Variants in SLC25A6 observed in about 807,000 individuals in gnomAD.
SLC25A6 encodes ADP/ATP translocase 3.
A neutral mutation model predicts 25.7 loss-of-function variants in SLC25A6; 9 were observed. The ratio of observed to expected loss-of-function variants is 0.35; its 90% CI spans 0.21 to 0.61. SLC25A6 has a LOEUF of 0.61. SLC25A6 is among the 20% of genes least tolerant of loss of function. The probability of loss-of-function intolerance (pLI) is 0.76; values close to 1 mark genes in which losing one functional copy is unlikely to be tolerated. For missense variants in SLC25A6, 404 were observed against 440.5 expected, an observed-to-expected ratio of 0.92 and a Z score of 0.74; for synonymous variants, 223 against 197.0, an observed-to-expected ratio of 1.13 and a Z score of -1.11.
At chrX:1,389,883 G>A (rs1246007285) in intron 1 of SLC25A6, among the ~76,000 whole-genome samples, 156 bp from the exon 2 acceptor site, 1 of 151,980 alleles carries the variant, frequency 6.6e-6, no homozygotes, top group Admixed American at 6.6e-5. Flanking sequence ...TCAGCCTCCC[G>A]AGTAGCTGGG....
chrX:1,391,562 T>C (rs1285646399), intron 1 of SLC25A6, among the ~76,000 whole-genome samples: 2 of 152,294 alleles, frequency 1.3e-5, no homozygotes, highest in African/African-American at 2.4e-5. Context: ...ACCGGAAGGG[T>C]TGGTCCCAGC....
intron 2 of SLC25A6, 56 bp downstream of exon 2, chrX:1,389,185 G>C: frequency 4.5e-6 from 7 of 1,569,724 alleles, no homozygotes; most frequent in Non-Finnish European, 6.1e-6. Flanking sequence ...GGACCCTGGG[G>C]GAACGTCTGT....
At position 1,389,676 on chromosome X, in the gene SLC25A6, C is replaced by T. The variant is rs147287418; in HGVS notation, c.163G>A (p.Val55Met). The change falls in exon 2 of 4, where the codon GTG becomes ATG. Residue 55 changes from valine (V) to methionine (M), a missense_variant. By Grantham distance (21) the Val-to-Met change is conservative. Coordinates refer to ENST00000381401, the MANE Select transcript of SLC25A6 (RefSeq NM_001636.4). Reference sequence around the variant, plus strand: ...TTGGGGATGCGGACAATGCAGTCCACGATGCCCTTGTACTGCTTGTCGGCG... The same window carrying T: ...TTGGGGATGCGGACAATGCAGTCCATGATGCCCTTGTACTGCTTGTCGGCG... ...IAADKQYKGI[V>M]DCIVRIPKEQ... 126 of 1,613,928 alleles carry T rather than the reference C, an allele frequency of 7.8e-5. 1 individual carries two copies. The highest frequency in any genetic ancestry group is 1.5e-4 in the Admixed American group (9 of 60,008).
intron 1 of SLC25A6, among the ~76,000 whole-genome samples, chrX:1,391,314 G>A (rs1270218340): frequency 2.0e-5 from 3 of 152,150 alleles, no homozygotes; most frequent in African/African-American, 7.2e-5. Context: ...ACGTTAGCAA[G>A]GACGTCCTGG....
In SLC25A6 at chrX:1,389,465, G is replaced by A. The variant is rs764299940; in HGVS notation, c.374C>T (p.Ala125Val). ...CGGGTACACGAAGCAGAGGGAGGTC[G>A]CGCCGGCCGCACCGCCGGAGGCCAG... is the stretch of plus-strand genomic sequence containing the variant. ...GNLASGGAAG[A>V]TSLCFVYPLD... is the part of the protein sequence containing the mutation. Residue 125 changes from alanine to valine, a missense_variant, in exon 2 of 4, where the codon GCG becomes GTG. By Grantham distance (64) the Ala-to-Val change is moderately conservative. Coordinates refer to ENST00000381401, the MANE Select transcript of SLC25A6 (RefSeq NM_001636.4). 3.1e-6 allele frequency: 5 copies of A among 1,613,946 alleles called. No individual in the cohort carries two copies. Among genetic ancestry groups the A allele is most frequent in the Non-Finnish European group, 2.5e-6 (3 of 1,179,944 alleles).
At chrX:1,391,834 C>T (rs2089417644) in intron 1 of SLC25A6, 65 bp downstream of exon 1, 2 of 1,325,536 alleles carry the variant, frequency 1.5e-6, no homozygotes, top group Non-Finnish European at 2.1e-6. Flanking sequence ...GCCCACGTCC[C>T]CGCCCGACCC....
chrX:1,388,447 C>T (rs1389335150), intron 2 of SLC25A6, among the ~76,000 whole-genome samples: 1 of 151,840 alleles, frequency 6.6e-6, no homozygotes, highest in East Asian at 1.9e-4. Context: ...TCAGGAGGAA[C>T]CAGCCCTGCC....
chrX:1,389,497 C>G lies in SLC25A6; in HGVS notation c.342G>C (p.Ala114=), dbSNP rs747969741. 1 of 1,613,994 alleles carries G rather than the reference C, an allele frequency of 6.2e-7. No individual in the cohort carries two copies. Among genetic ancestry groups the G allele is most frequent in the African/African-American group, 1.3e-5 (1 of 74,924 alleles). ...DKHTQFWRYF[A]GNLASGGAAG... ...CCGCACCGCCGGAGGCCAGGTTGCC[C>G]GCAAAGTACCTCCAGAACTGCGTGT... The change falls in exon 2 of 4, where the codon GCG becomes GCC. Residue 114 remains alanine, a synonymous_variant. Transcript: ENST00000381401.
chrX:1,389,157 TCA>T lies in SLC25A6; in HGVS notation c.598+82_598+83del. On this transcript the variant is annotated intron_variant, in intron 2 of 3. Coordinates refer to ENST00000381401, the MANE Select transcript of SLC25A6 (RefSeq NM_001636.4). ...GAACCAGCCCTGCCCACACCTTATC[TCA>T]GACCTTCAGCCCACAGGACCCTGGG... is the stretch of plus-strand genomic sequence containing the variant. 2.7e-6 allele frequency: 4 copies of T among 1,485,586 alleles called. No individual in the cohort carries two copies. The South Asian group carries it at 5.0e-5, about 19-fold the overall frequency. 92.0% of individuals were successfully genotyped at this position (1,485,586 alleles called of 1,614,324 possible).
Position 1,386,638 on chromosome X carries a change from C to A in SLC25A6, c.861G>T (p.Val287=). The A allele has an allele frequency of 6.3e-7, 1 of 1,598,100 alleles. No homozygotes were observed. Among genetic ancestry groups the A allele is most frequent in the South Asian group, 1.1e-5 (1 of 88,290 alleles). ...NVLRGMGGAF[V]LVLYDELKKV... The stretch of plus-strand genomic sequence containing the variant: ...TCTTGAGCTCGTCGTACAGGACCAG[C>A]ACGAAGGCGCCCCCCATGCCCCGCA... The change falls in exon 4 of 4, where the codon GTG becomes GTT. Residue 287 remains valine, a synonymous_variant. Coordinates refer to ENST00000381401, the MANE Select transcript of SLC25A6 (RefSeq NM_001636.4).
chrX:1,386,568 G>C lies in SLC25A6; in HGVS notation c.*34C>G, dbSNP rs1391053073. 2 of 1,359,340 alleles carry C rather than the reference G, an allele frequency of 1.5e-6. No homozygotes were observed. The highest frequency in any genetic ancestry group is 2.5e-5 in the Admixed American group (1 of 39,696). The allele number at this position is 1,359,340 out of a possible 1,614,324, so 84.2% of individuals were successfully genotyped here. On this transcript the variant is annotated 3_prime_UTR_variant, in exon 4 of 4. Coordinates refer to ENST00000381401, the MANE Select transcript of SLC25A6 (RefSeq NM_001636.4). ...TCTACGTGGTTCTCTTGGTTCCCCT[G>C]GTGTGTGTGTGTGTGTGGAGGAGGC...
chrX:1,391,596 C>G (rs1460966196), intron 1 of SLC25A6, among the ~76,000 whole-genome samples: 2 of 152,202 alleles, frequency 1.3e-5, no homozygotes, highest in Non-Finnish European at 2.9e-5. Flanking sequence ...GGATTGAGCT[C>G]AAGGTCAAGG....
Position 1,386,584 on chromosome X carries a change from TGGA to T in SLC25A6, c.*15_*17del, listed in dbSNP as rs752281428. On this transcript the variant is annotated 3_prime_UTR_variant, in exon 4 of 4. Coordinates refer to ENST00000381401, the MANE Select transcript of SLC25A6 (RefSeq NM_001636.4). ...GGTTCCCCTGGTGTGTGTGTGTGTGTGGAGGAGGCCGCGGCCCTTAGATCACCT... is the reference window on the plus strand; with the variant it reads ...GGTTCCCCTGGTGTGTGTGTGTGTGTGGAGGCCGCGGCCCTTAGATCACCT... 1.5e-5 allele frequency: 23 copies of T among 1,535,918 alleles called. No individual in the cohort carries two copies. The highest frequency in any genetic ancestry group is 2.0e-5 in the Non-Finnish European group (23 of 1,145,146).
chrX:1,387,528 C>T lies in SLC25A6; in HGVS notation c.599-109G>A, dbSNP rs1203873194. On this transcript the variant is annotated intron_variant, in intron 2 of 3. Coordinates refer to ENST00000381401, the MANE Select transcript of SLC25A6 (RefSeq NM_001636.4). Reference sequence around the variant, plus strand: ...CCCCTGAGGTGGTGCCGAGCTCTTCCGAGACCACCAGTGCCCCCTCCACGT... The same window carrying T: ...CCCCTGAGGTGGTGCCGAGCTCTTCTGAGACCACCAGTGCCCCCTCCACGT... The T allele has an allele frequency of 1.2e-5, 18 of 1,482,058 alleles. No homozygotes were observed. The East Asian group carries it at 2.1e-4, about 17-fold the overall frequency. 91.8% of individuals were successfully genotyped at this position (1,482,058 alleles called of 1,614,324 possible). A position where few individuals can be genotyped will look rare whatever the true frequency, so the allele number is the denominator to read the frequency against.
rs1211971144 is a variant in SLC25A6, at chrX:1,392,099, G to C, written c.-90C>G. Reference sequence around the variant, plus strand: ...GCGTCGCTGGCTCAGCCCTGCCGCCGCCTGGACCGAAAGGACGGAGCAGCC... The same window carrying C: ...GCGTCGCTGGCTCAGCCCTGCCGCCCCCTGGACCGAAAGGACGGAGCAGCC... On this transcript the variant is annotated 5_prime_UTR_variant, in exon 1 of 4. Coordinates refer to ENST00000381401, the MANE Select transcript of SLC25A6 (RefSeq NM_001636.4). 2 of 955,932 alleles carry C rather than the reference G, an allele frequency of 2.1e-6. No individual in the cohort carries two copies. The highest frequency in any genetic ancestry group is 2.1e-5 in the Admixed American group (1 of 48,376). The allele number at this position is 955,932 out of a possible 1,614,324, so 59.2% of individuals were successfully genotyped here.
chrX:1,391,977 G>A lies in SLC25A6; in HGVS notation c.33C>T (p.Asp11=), dbSNP rs201622792. 94 of 1,609,502 alleles carry A rather than the reference G, an allele frequency of 5.8e-5. No homozygotes were observed. The East Asian group carries it at 1.8e-3, about 31-fold the overall frequency. ...CGGCGGCGATGCCTCCGGCCAAGAA[G>A]TCTTTGGCGAAGGAGATGGCCTGTT... MTEQAISFAK[D]FLAGGIAAAI... The change falls in exon 1 of 4, where the codon GAC becomes GAT. Residue 11 remains aspartate (D), a synonymous_variant. Transcript: ENST00000381401.
chrX:1,391,707 G>A (rs2089414907), intron 1 of SLC25A6, among the ~76,000 whole-genome samples, 192 bp downstream of exon 1: 1 of 152,236 alleles, frequency 6.6e-6, no homozygotes, highest in East Asian at 1.9e-4. Context: ...GTGCGCACGC[G>A]TGGACGTCGC....
chrX:1,387,527 C>T lies in SLC25A6; in HGVS notation c.599-108G>A, dbSNP rs1306214949. On this transcript the variant is annotated intron_variant, in intron 2 of 3. Coordinates refer to ENST00000381401, the MANE Select transcript of SLC25A6 (RefSeq NM_001636.4). ...CCCCCTGAGGTGGTGCCGAGCTCTT[C>T]CGAGACCACCAGTGCCCCCTCCACG... is the stretch of plus-strand genomic sequence containing the variant. The T allele has an allele frequency of 3.4e-6, 5 of 1,478,466 alleles. No individual in the cohort carries two copies. The African/African-American group carries it at 6.9e-5, about 20-fold the overall frequency. The allele number at this position is 1,478,466 out of a possible 1,614,324, so 91.6% of individuals were successfully genotyped here.
At chrX:1,388,563 G>T (rs2089358160) in intron 2 of SLC25A6, among the ~76,000 whole-genome samples, 2 of 149,942 alleles carry the variant, frequency 1.3e-5, no homozygotes, top group South Asian at 4.2e-4. Context: ...GCCTGAAATG[G>T]ACTAAGACAT....
Sources: gnomAD v4.1 joint callset for allele counts (sites outside exome capture counted in the v4.1 genomes callset) on GRCh38, gnomAD v4.1.1 for gene constraint, MANE v1.5 for transcripts, NCBI Gene and HGNC (gene_info 2026-07-23, HGNC 2026-07-21) for gene names.